The following SLC6A15 variants were observed in gnomAD, a reference collection of about 807,000 sequenced individuals.
The protein encoded by SLC6A15 is solute carrier family 6 member 15.
A neutral mutation model predicts 68.5 loss-of-function variants in SLC6A15; 33 were observed. The ratio of observed to expected loss-of-function variants is 0.48; its 90% CI spans 0.37 to 0.64. The LOEUF is 0.64. Ranked by LOEUF, SLC6A15 falls within the 30% of genes least tolerant of loss-of-function variation. The pLI is 0.00. For missense variants in SLC6A15, 747 were observed against 874.3 expected (o/e 0.85, Z 1.84); for synonymous variants, 347 against 301.0 (o/e 1.15, Z -1.58).
chr12:84,885,803 G>C (rs1872071954), intron 3 of SLC6A15, 108 bp downstream of exon 3: 1 of 1,188,328 alleles, frequency 8.4e-7, no homozygotes, highest in Non-Finnish European at 1.2e-6. Flanking sequence ...CTAAAACATA[G>C]TAAAAGAGTT....
At chr12:84,907,926 A>G (rs1873244036) in intron 1 of SLC6A15, among the ~76,000 whole-genome samples, 1 of 152,216 alleles carries the variant, frequency 6.6e-6, no homozygotes, top group African/African-American at 2.4e-5. Context: ...AAAAACATCA[A>G]TTCAAATACA....
chr12:84,869,375 T>C (rs1220382030), intron 9 of SLC6A15, among the ~76,000 whole-genome samples: 1 of 142,902 alleles, frequency 7.0e-6, no homozygotes, highest in East Asian at 2.1e-4. Flanking sequence ...GGCAGGAGAA[T>C]GGCGTGAACC....
Position 84,859,904 on chromosome 12 carries a change from G to T in SLC6A15, c.*1728C>A, listed in dbSNP as rs921255303. 1.3e-5 allele frequency: 2 copies of T among 152,008 alleles called. No individual in the cohort carries two copies. The highest frequency in any genetic ancestry group is 2.9e-5 in the Non-Finnish European group (2 of 67,906). The allele number at this position is 152,008 out of a possible 1,614,324, so 9.4% of individuals were successfully genotyped here. A position where few individuals can be genotyped will look rare whatever the true frequency, so the allele number is the denominator to read the frequency against. On this transcript the variant is annotated 3_prime_UTR_variant, in exon 12 of 12. Coordinates refer to ENST00000266682, the MANE Select transcript of SLC6A15 (RefSeq NM_182767.6). ...AAGGATACAGAAGAAACTGGCAATG[G>T]TGATTGCCTTTAAAGATGGAGAATG...
Position 84,863,508 on chromosome 12 carries a change from T to G in SLC6A15, c.1749A>C (p.Ser583=). Reference sequence around the variant, plus strand: ...TATTCACAACACTAGCTATTAGCAATGATAATAGCATTAGAGGAGAAATAT... The same window carrying G: ...TATTCACAACACTAGCTATTAGCAAGGATAATAGCATTAGAGGAGAAATAT... ...WKYISPLMLL[S]LLIASVVNMG... The change falls in exon 11 of 12, where the codon TCA becomes TCC. Residue 583 remains serine (S), a synonymous_variant. Coordinates refer to ENST00000266682, the MANE Select transcript of SLC6A15 (RefSeq NM_182767.6). 1 of 1,597,558 alleles carries G rather than the reference T, an allele frequency of 6.3e-7. No individual in the cohort carries two copies. The highest frequency in any genetic ancestry group is 1.1e-5 in the South Asian group (1 of 88,124).
chr12:84,899,371 T>G (rs1450350383), intron 1 of SLC6A15, among the ~76,000 whole-genome samples: 3 of 152,200 alleles, frequency 2.0e-5, no homozygotes, highest in African/African-American at 4.8e-5. Context: ...ATTTGCTTAG[T>G]TTCCACCTCC....
At chr12:84,893,179 TAG>T (rs1181663212) in intron 1 of SLC6A15, among the ~76,000 whole-genome samples, 3 of 152,136 alleles carry the variant, frequency 2.0e-5, no homozygotes, top group Non-Finnish European at 2.9e-5. Flanking sequence ...TTATATTTAA[TAG>T]AGAGAAAGGT....
At chr12:84,904,896 T>C (rs1016481564) in intron 1 of SLC6A15, among the ~76,000 whole-genome samples, 1 of 152,138 alleles carries the variant, frequency 6.6e-6, no homozygotes, top group Non-Finnish European at 1.5e-5. Context: ...AAATAGAACA[T>C]TTAATAGCTA....
At chr12:84,882,828 C>T in intron 5 of SLC6A15, 6 of 266,652 alleles carry the variant, frequency 2.3e-5, no homozygotes, top group Non-Finnish European at 3.5e-5. Flanking sequence ...TATCACAGTA[C>T]CCAAAGCAAA....
intron 5 of SLC6A15, among the ~76,000 whole-genome samples, chr12:84,877,795 A>G (rs1403820986): frequency 2.0e-5 from 3 of 152,126 alleles, no homozygotes; most frequent in Non-Finnish European, 4.4e-5. Flanking sequence ...GTTGTTGTTT[A>G]GAGCACTTAG....
At chr12:84,895,542 T>G (rs1872604799) in intron 1 of SLC6A15, among the ~76,000 whole-genome samples, 1 of 151,516 alleles carries the variant, frequency 6.6e-6, no homozygotes, top group Non-Finnish European at 1.5e-5. Flanking sequence ...AGAGACGAGG[T>G]TTCACCTTCT....
At position 84,861,738 on chromosome 12, in the gene SLC6A15, C is replaced by A; in HGVS notation, c.2087G>T (p.Arg696Leu). The change falls in exon 12 of 12, where the codon CGA (arginine) becomes CTA (leucine). Residue 696 changes from arginine to leucine, a missense_variant. Physicochemically the swap from Arg to Leu is moderately radical, Grantham distance 102. Coordinates refer to ENST00000266682, the MANE Select transcript of SLC6A15 (RefSeq NM_182767.6). ...CAGAGTTGGGGATCCACTCTGTTTT[C>A]GATAAATATTTTTACCAAAATTTGG... ...PSPNFGKNIY[R>L]KQSGSPTLDT... 2 of 1,613,940 alleles carry A rather than the reference C, an allele frequency of 1.2e-6. No homozygotes were observed. The highest frequency in any genetic ancestry group is 1.7e-6 in the Non-Finnish European group (2 of 1,179,908).
At chr12:84,864,398 C>G (rs947229532) in intron 10 of SLC6A15, among the ~76,000 whole-genome samples, 1 of 150,460 alleles carries the variant, frequency 6.6e-6, no homozygotes, top group Non-Finnish European at 1.5e-5. Context: ...CGACTCACTG[C>G]AACCTCATCT....
At chr12:84,897,956 C>CA (rs904448494) in intron 1 of SLC6A15, among the ~76,000 whole-genome samples, 26 of 151,072 alleles carry the variant, frequency 1.7e-4, no homozygotes, top group South Asian at 6.3e-4. Context: ...ATTAAATTAC[C>CA]AAAAAAAATC....
intron 1 of SLC6A15, among the ~76,000 whole-genome samples, chr12:84,904,651 A>G (rs80003400): frequency 0.13 from 19,953 of 152,296 alleles, 1,786 homozygotes; most frequent in Middle Eastern, 0.28. Flanking sequence ...AGAAATAGGT[A>G]TTAACTTTCA....
intron 6 of SLC6A15, 141 bp from the exon 7 acceptor site, chr12:84,873,469 T>A: frequency 1.0e-6 from 1 of 999,372 alleles, no homozygotes; most frequent in Non-Finnish European, 1.4e-6. Context: ...AATATGTTCT[T>A]AAGCATAAAC....
rs1259802551 is a variant in SLC6A15, at chr12:84,864,099, CTAA to C, written c.1656-501_1656-499del. Among the ~76,000 whole-genome samples, 5 of 150,382 alleles carry C rather than the reference CTAA, an allele frequency of 3.3e-5. No homozygotes were observed. The South Asian group carries it at 6.3e-4, about 19-fold the overall frequency. On this transcript the variant is annotated intron_variant, in intron 10 of 11. Coordinates refer to ENST00000266682, the MANE Select transcript of SLC6A15 (RefSeq NM_182767.6). ...ATAATTTTACTAATTACTACTTTTC[CTAA>C]TAATTTTACTATTACTTTAGTAATA...
intron 1 of SLC6A15, among the ~76,000 whole-genome samples, chr12:84,910,383 A>G (rs1337957921): frequency 6.6e-6 from 1 of 152,210 alleles, no homozygotes; most frequent in East Asian, 1.9e-4. Flanking sequence ...TTTTACCACA[A>G]CAAATACACA....
intron 5 of SLC6A15, among the ~76,000 whole-genome samples, chr12:84,879,016 G>T (rs1871693384): frequency 6.6e-6 from 1 of 151,838 alleles, no homozygotes; most frequent in African/African-American, 2.4e-5. Flanking sequence ...AATCCTCAAA[G>T]GTTCCACACT....
In SLC6A15 at chr12:84,873,179, G is replaced by A. The variant is rs771988534; in HGVS notation, c.1017C>T (p.Phe339=). The A allele has an allele frequency of 1.5e-5, 24 of 1,614,082 alleles. No individual in the cohort carries two copies. Among genetic ancestry groups the A allele is most frequent in the Non-Finnish European group, 2.0e-5 (24 of 1,179,998 alleles). Residue 339 remains phenylalanine, a synonymous_variant, in exon 7 of 12, where the codon TTC becomes TTT. Coordinates refer to ENST00000266682, the MANE Select transcript of SLC6A15 (RefSeq NM_182767.6). The part of the protein sequence containing the change: ...NCHFDAVLVS[F]INFFTSVLAT... ...CCAGGACAGAAGTGAAAAAATTGAT[G>A]AAGGACACCAGGACAGCATCAAAGT... is the stretch of plus-strand genomic sequence containing the variant.
Sources: allele counts gnomAD v4.1 joint callset (sites outside exome capture counted in the v4.1 genomes callset), GRCh38; gene constraint gnomAD v4.1.1; transcripts MANE v1.5; gene names NCBI Gene and HGNC (gene_info 2026-07-23, HGNC 2026-07-21).